Variants in WDR72 observed in about 807,000 individuals in gnomAD.
WDR72 encodes the protein WD repeat domain 72.
Under a neutral mutation model 124.2 loss-of-function variants are expected in WDR72, and 120 were observed. The ratio of observed to expected loss-of-function variants is 0.97; its 90% CI spans 0.83 to 1.12. WDR72 has a LOEUF of 1.12. Among genes scored for constraint, WDR72 ranks in the 50% most tolerant of loss-of-function variants. WDR72 has a pLI of 0.00. For missense variants in WDR72, 1,387 were observed against 1,278.8 expected (o/e 1.08, Z -1.29); for synonymous variants, 452 against 441.7 (o/e 1.02, Z -0.29).
At chr15:53,677,520 C>A (rs771180832) in intron 13 of WDR72, among the ~76,000 whole-genome samples, 2 of 152,136 alleles carry the variant, frequency 1.3e-5, no homozygotes, top group African/African-American at 4.8e-5. Flanking sequence ...GGAGGGACCC[C>A]GTGGGAGGTA....
intron 14 of WDR72, among the ~76,000 whole-genome samples, chr15:53,649,762 A>G (rs1230813717): frequency 1.3e-5 from 2 of 152,214 alleles, no homozygotes; most frequent in Non-Finnish European, 2.9e-5. Flanking sequence ...GATGGCTATT[A>G]TTAAATGAAA....
chr15:53,741,363 A>G (rs1365828206), intron 1 of WDR72, among the ~76,000 whole-genome samples: 1 of 152,248 alleles, frequency 6.6e-6, no homozygotes, highest in Non-Finnish European at 1.5e-5. Context: ...ACAAGAAATC[A>G]GATCCCTAGA....
intron 13 of WDR72, among the ~76,000 whole-genome samples, chr15:53,689,225 T>C (rs2016752127): frequency 6.6e-6 from 1 of 151,688 alleles, no homozygotes. Context: ...GGGATCTAAT[T>C]AAACTAAAGA....
In WDR72 at chr15:53,621,430, G is replaced by GATATATATATATATATATATAT. The variant is rs57355125; in HGVS notation, c.1963-5209_1963-5188dup. The stretch of plus-strand genomic sequence containing the variant: ...ATCAATGAGTGGATAAAGAAACTGT[G>GATATATATATATATATATATAT]ATATATATATATATATATATATATA... On this transcript the variant is annotated intron_variant, in intron 14 of 19. Coordinates refer to ENST00000360509, the MANE Select transcript of WDR72 (RefSeq NM_182758.4). 1.9e-3 allele frequency among the ~76,000 whole-genome samples: 230 copies of GATATATATATATATATATATAT among 124,198 alleles called. 1 individual carries two copies. The highest frequency in any genetic ancestry group is 7.9e-3 in the African/African-American group (216 of 27,470). 81.5% of individuals were successfully genotyped at this position (124,198 alleles called of 152,430 possible).
chr15:53,614,644 G>T (rs1264121401), intron 15 of WDR72, among the ~76,000 whole-genome samples: 1 of 152,050 alleles, frequency 6.6e-6, no homozygotes, highest in Non-Finnish European at 1.5e-5. Context: ...AATAAACTTA[G>T]AATGAAAACC....
chr15:53,691,656 T>C (rs560573797), intron 13 of WDR72, among the ~76,000 whole-genome samples: 44,207 of 145,124 alleles, frequency 0.3, 6,859 homozygotes, highest in East Asian at 0.35. Context: ...GATAGATAGA[T>C]AGATAGATAG....
Position 53,517,536 on chromosome 15 carries a change from T to C in WDR72, c.*163A>G. The C allele has an allele frequency of 2.8e-6, 2 of 708,718 alleles. No individual in the cohort carries two copies. The highest frequency in any genetic ancestry group is 5.1e-6 in the Non-Finnish European group (2 of 392,974). The allele number at this position is 708,718 out of a possible 1,614,324, so 43.9% of individuals were successfully genotyped here. ...AGTATGTATTGCATTGTAATCAGCATGTATTAAAATCACTTTAATACATGT... is the reference window on the plus strand; with the variant it reads ...AGTATGTATTGCATTGTAATCAGCACGTATTAAAATCACTTTAATACATGT... On this transcript the variant is annotated 3_prime_UTR_variant, in exon 20 of 20. Transcript: ENST00000360509.
At chr15:53,534,585 A>T (rs558001979) in intron 18 of WDR72, among the ~76,000 whole-genome samples, 3 of 152,242 alleles carry the variant, frequency 2.0e-5, no homozygotes, top group South Asian at 4.1e-4. Context: ...GGAAAGGGTC[A>T]CTCAATTTTT....
Position 53,722,684 on chromosome 15 carries a change from A to G in WDR72, c.260+118T>C, listed in dbSNP as rs1595874381. 1.1e-5 allele frequency: 9 copies of G among 843,678 alleles called. No individual in the cohort carries two copies. The East Asian group carries it at 2.3e-4, about 21-fold the overall frequency. 52.3% of individuals were successfully genotyped at this position (843,678 alleles called of 1,614,324 possible). ...ACTTTCTATATCTAAATGTTCCTAT[A>G]TGTGAGAGGCACATGTTGATCACAA... is the stretch of plus-strand genomic sequence containing the variant. On this transcript the variant is annotated intron_variant, in intron 3 of 19. Transcript: ENST00000360509.
intron 14 of WDR72, among the ~76,000 whole-genome samples, chr15:53,618,756 C>T (rs1360088339): frequency 6.6e-6 from 1 of 151,936 alleles, no homozygotes. Context: ...GATGTTTTCC[C>T]CCAGTCCTCC....
intron 2 of WDR72, among the ~76,000 whole-genome samples, chr15:53,732,647 G>A (rs184560216): frequency 6.6e-6 from 1 of 152,216 alleles, no homozygotes. Flanking sequence ...GGTGCCCTTT[G>A]TTTAGATTAA....
In WDR72 at chr15:53,705,920, G is replaced by A; in HGVS notation, c.1102+7C>T. The A allele has an allele frequency of 6.2e-7, 1 of 1,613,986 alleles. No homozygotes were observed. Among genetic ancestry groups the A allele is most frequent in the South Asian group, 1.1e-5 (1 of 91,058 alleles). On this transcript the variant is annotated splice_region_variant and intron_variant, in intron 10 of 19. Transcript: ENST00000360509. Reference sequence around the variant, plus strand: ...AGACATGTTACTAGAAAAGGAAACTGACTTACCTCTAGGAGAACCATCAAA... The same window carrying A: ...AGACATGTTACTAGAAAAGGAAACTAACTTACCTCTAGGAGAACCATCAAA...
intron 3 of WDR72, among the ~76,000 whole-genome samples, chr15:53,720,265 A>G (rs1361043044): frequency 6.6e-6 from 1 of 152,198 alleles, no homozygotes; most frequent in Non-Finnish European, 1.5e-5. Flanking sequence ...GTCAATCAAC[A>G]TCTTTACCCA....
At chr15:53,583,904 G>A (rs1453464951) in intron 18 of WDR72, among the ~76,000 whole-genome samples, 1 of 151,906 alleles carries the variant, frequency 6.6e-6, no homozygotes, top group African/African-American at 2.4e-5. Context: ...TAAACACAAG[G>A]AAAAGCACAC....
rs983486131 is a variant in WDR72, at chr15:53,737,015, A to ACC, written c.-12-3855_-12-3854insGG. Among the ~76,000 whole-genome samples, 3 of 111,560 alleles carry ACC rather than the reference A, an allele frequency of 2.7e-5. No homozygotes were observed. In the Admixed American group the frequency reaches 2.8e-4, roughly 10 times the overall value. 73.2% of individuals were successfully genotyped at this position (111,560 alleles called of 152,430 possible). The stretch of plus-strand genomic sequence containing the variant: ...AGATGTAAAACACACACACACACAC[A>ACC]CACACACACACACACACACACACAC... On this transcript the variant is annotated intron_variant, in intron 1 of 19. Transcript: ENST00000360509.
intron 14 of WDR72, among the ~76,000 whole-genome samples, chr15:53,642,223 AT>A (rs2014879113): frequency 6.6e-6 from 1 of 152,030 alleles, no homozygotes; most frequent in South Asian, 2.1e-4. Context: ...TAAACTAGTA[AT>A]AATTGTATAT....
In WDR72 at chr15:53,637,845, G is replaced by A. The variant is rs149706984; in HGVS notation, c.1963-21602C>T. On this transcript the variant is annotated intron_variant, in intron 14 of 19. Coordinates refer to ENST00000360509, the MANE Select transcript of WDR72 (RefSeq NM_182758.4). ...AGGCATTCACAGAAACTGTTCATGC[G>A]TGAAAGTGTGAGTGAGACTCCTTCA... 2.3e-3 allele frequency among the ~76,000 whole-genome samples: 356 copies of A among 152,192 alleles called. 2 individuals are homozygous for A. Among genetic ancestry groups the A allele is most frequent in the African/African-American group, 8.3e-3 (345 of 41,508 alleles).
chr15:53,560,541 C>G (rs1012326488), intron 18 of WDR72, among the ~76,000 whole-genome samples: 2 of 151,812 alleles, frequency 1.3e-5, no homozygotes, highest in African/African-American at 2.4e-5. Flanking sequence ...CCAGGATATT[C>G]ACTGCCATGA....
chr15:53,621,596 T>A (rs1185067773), intron 14 of WDR72, among the ~76,000 whole-genome samples: 1 of 151,702 alleles, frequency 6.6e-6, no homozygotes, highest in Non-Finnish European at 1.5e-5. Flanking sequence ...GCTGTGAGAA[T>A]GCAAAGGCAT....
Sources: allele counts gnomAD v4.1 joint callset (sites outside exome capture counted in the v4.1 genomes callset), GRCh38; gene constraint gnomAD v4.1.1; transcripts MANE v1.5; gene names NCBI Gene and HGNC (gene_info 2026-07-23, HGNC 2026-07-21).